RBFOX2: variants seen among roughly 807,000 people sequenced by gnomAD.
RBFOX2 encodes the protein RNA binding protein fox-1 homolog 2.
Under a neutral mutation model 49.1 loss-of-function variants are expected in RBFOX2, and 10 were observed. The observed-to-expected ratio is 0.20, with a 90% CI of 0.13 to 0.35. The LOEUF (loss-of-function observed/expected upper bound fraction) is 0.35. Ranked by LOEUF, RBFOX2 falls within the 10% of genes least tolerant of loss-of-function variation. The pLI, the probability that RBFOX2 is intolerant of heterozygous loss-of-function variation, is 1.00. For missense variants in RBFOX2, 323 were observed against 486.9 expected, an observed-to-expected ratio of 0.66 and a Z score of 3.17; for synonymous variants, 183 against 187.4, an observed-to-expected ratio of 0.98 and a Z score of 0.19.
rs1405332793 is a variant in RBFOX2, at chr22:36,028,390, C to T, written c.36G>A (p.Gln12=). 7.1e-6 allele frequency: 9 copies of T among 1,272,378 alleles called. No individual in the cohort carries two copies. In the South Asian group the frequency reaches 2.0e-4, roughly 28 times the overall value. The allele number at this position is 1,272,378 out of a possible 1,614,324, so 78.8% of individuals were successfully genotyped here. The stretch of plus-strand genomic sequence containing the variant: ...CCCGGGCGGCGGCGCCGGGCCCGAG[C>T]TGAGGCGGCTGATGCGGCTGGGCGC... The change falls in exon 1 of 14, where the codon CAG becomes CAA. Residue 12 remains glutamine (Q), a synonymous_variant. Transcript: ENST00000438146.
intron 6 of RBFOX2, among the ~76,000 whole-genome samples, chr22:35,764,541 C>T (rs1392117494): frequency 8.7e-5 from 13 of 149,504 alleles, no homozygotes; most frequent in Admixed American, 2.7e-4. Context: ...GCCTTGATTG[C>T]GCCAGTGCAC....
At position 35,918,629 on chromosome 22, in the gene RBFOX2, AGTAACTGAGG is replaced by A. The variant is rs2050690163; in HGVS notation, c.-34+20208_-34+20217del. On this transcript the variant is annotated intron_variant, in intron 1 of 13. Transcript: ENST00000359369. ...GGACTCTCTGGGGACCCAGAGCTGC[AGTAACTGAGG>A]GAAATGTATCCAGATTAGATCAGCA... Among the ~76,000 whole-genome samples, 2 of 152,192 alleles carry A rather than the reference AGTAACTGAGG, an allele frequency of 1.3e-5. 1 individual carries two copies. The highest frequency in any genetic ancestry group is 4.1e-4 in the South Asian group (2 of 4,834).
At chr22:35,787,079 G>A (rs139845211) in intron 2 of RBFOX2, among the ~76,000 whole-genome samples, 143 of 152,112 alleles carry the variant, frequency 9.4e-4, no homozygotes, top group South Asian at 8.9e-3. Context: ...TCCCTCTGTC[G>A]CCCAGGCTGG....
At chr22:35,811,538 G>C (rs1951866278) in intron 1 of RBFOX2, among the ~76,000 whole-genome samples, 2 of 152,082 alleles carry the variant, frequency 1.3e-5, no homozygotes, top group African/African-American at 4.8e-5. Context: ...CTCCAGAATG[G>C]TAAGAAAATA....
chr22:35,970,148 T>C (rs1375991552), intron 1 of RBFOX2, among the ~76,000 whole-genome samples: 1 of 152,192 alleles, frequency 6.6e-6, no homozygotes, highest in Non-Finnish European at 1.5e-5. Context: ...CAATGCTATA[T>C]TGCTAAGACT....
chr22:35,933,926 T>TTATATATATATA (rs3075245), intron 1 of RBFOX2, among the ~76,000 whole-genome samples: 171 of 117,992 alleles, frequency 1.4e-3, no homozygotes, highest in Non-Finnish European at 1.9e-3. Flanking sequence ...TAATTAAATG[T>TTATATATATATA]TATATATATA....
intron 1 of RBFOX2, among the ~76,000 whole-genome samples, chr22:35,932,417 A>C (rs2052535813): frequency 1.3e-5 from 2 of 152,168 alleles, no homozygotes; most frequent in South Asian, 4.1e-4. Context: ...TAAGGCTGCC[A>C]CTCTGAATTT....
intron 1 of RBFOX2, among the ~76,000 whole-genome samples, chr22:35,850,193 T>TACAC (rs58692076): frequency 0.2 from 26,941 of 132,288 alleles, 2,887 homozygotes; most frequent in Admixed American, 0.21. Flanking sequence ...CTCTCTCTCA[T>TACAC]ACACACACAC....
chr22:35,977,735 T>TATAG (rs2057253395), intron 1 of RBFOX2, among the ~76,000 whole-genome samples: 3 of 115,938 alleles, frequency 2.6e-5, no homozygotes, highest in African/African-American at 8.7e-5. Context: ...TATATATATA[T>TATAG]ATATATATAT....
chr22:35,752,711 A>G lies in RBFOX2; in HGVS notation c.888-6150T>C, dbSNP rs540470093. The G allele has an allele frequency of 8.1e-5, 74 of 917,646 alleles. No individual in the cohort carries two copies. In the African/African-American group the frequency reaches 1.3e-3, roughly 16 times the overall value. The allele number at this position is 917,646 out of a possible 1,614,324, so 56.8% of individuals were successfully genotyped here. ...AAAACACAGCTGTGGAAGGAAAACA[A>G]TCATACAAAAAGCCCACTAAGGGGC... On this transcript the variant is annotated intron_variant, in intron 9 of 11. Coordinates refer to ENST00000405409, the Ensembl canonical transcript of RBFOX2.
chr22:35,860,047 A>G (rs2042940089), intron 1 of RBFOX2, among the ~76,000 whole-genome samples: 1 of 152,196 alleles, frequency 6.6e-6, no homozygotes, highest in Non-Finnish European at 1.5e-5. Flanking sequence ...TTTTATCTCA[A>G]CTAACTCATA....
At chr22:35,921,252 T>G (rs1425857831) in intron 1 of RBFOX2, among the ~76,000 whole-genome samples, 1 of 152,210 alleles carries the variant, frequency 6.6e-6, no homozygotes, top group Non-Finnish European at 1.5e-5. Context: ...GCACATAGTC[T>G]TCCATAAATA....
chr22:35,934,459 C>T (rs920690693), intron 1 of RBFOX2, among the ~76,000 whole-genome samples: 2 of 152,138 alleles, frequency 1.3e-5, no homozygotes, highest in African/African-American at 4.8e-5. Flanking sequence ...GATGGCCATA[C>T]ATCCCAGTTT....
intron 6 of RBFOX2, among the ~76,000 whole-genome samples, chr22:35,763,655 TCA>T (rs1234371428): frequency 6.6e-6 from 1 of 152,234 alleles, no homozygotes; most frequent in Non-Finnish European, 1.5e-5. Context: ...CAATGTATTT[TCA>T]CAGATGCCCT....
At chr22:35,961,996 C>G (rs557000802), upstream of RBFOX2, among the ~76,000 whole-genome samples, 357 of 152,252 alleles carry the variant, frequency 2.3e-3, 17 homozygotes, top group South Asian at 0.072. Flanking sequence ...ATAAGATTGG[C>G]AGAGAGAAAA....
At chr22:35,966,539 G>A (rs931344274), upstream of RBFOX2, among the ~76,000 whole-genome samples, 5 of 152,268 alleles carry the variant, frequency 3.3e-5, no homozygotes, top group South Asian at 6.2e-4. Context: ...TGGAGGTAGT[G>A]TGATAATATC....
intron 1 of RBFOX2, among the ~76,000 whole-genome samples, chr22:35,832,444 A>G (rs1956976028): frequency 6.6e-6 from 1 of 152,212 alleles, no homozygotes; most frequent in Admixed American, 6.5e-5. Flanking sequence ...CAAAGATATG[A>G]TACTTAATAC....
intron 10 of RBFOX2, 70 bp from the exon 13 acceptor site, chr22:35,746,065 G>T: frequency 7.4e-7 from 1 of 1,348,526 alleles, no homozygotes; most frequent in South Asian, 1.2e-5. Context: ...AGGGATTACT[G>T]TGCTTTAAGA....
At chr22:35,897,143 T>A (rs554726315) in intron 1 of RBFOX2, 1 of 537,744 alleles carries the variant, frequency 1.9e-6, no homozygotes, top group South Asian at 2.9e-5. Context: ...ACCTCAAATG[T>A]TTTAATGGTG....
Sources: gnomAD v4.1 joint callset for allele counts (sites outside exome capture counted in the v4.1 genomes callset) on GRCh38, gnomAD v4.1.1 for gene constraint, MANE v1.5 for transcripts, NCBI Gene and HGNC (gene_info 2026-07-23, HGNC 2026-07-21) for gene names.